Variants in VPS13C observed in about 807,000 individuals in gnomAD.
VPS13C encodes intermembrane lipid transfer protein VPS13C.
In VPS13C, 358 loss-of-function variants were observed where a neutral mutation model predicts 456.8. The observed-to-expected ratio is 0.78, with a 90% CI of 0.72 to 0.86. VPS13C has a LOEUF of 0.86. Among genes scored for constraint, VPS13C ranks in the 40% least tolerant of loss-of-function variants. VPS13C has a pLI of 0.00. For missense variants in VPS13C, 4,818 were observed against 4,385.4 expected, an observed-to-expected ratio of 1.10 and a Z score of -2.79; for synonymous variants, 1,578 against 1,486.7, an observed-to-expected ratio of 1.06 and a Z score of -1.41.
At chr15:61,900,930 G>C (rs1208061802) in intron 66 of VPS13C, among the ~76,000 whole-genome samples, 3 of 151,924 alleles carry the variant, frequency 2.0e-5, no homozygotes, top group Non-Finnish European at 4.4e-5. Flanking sequence ...CAATGGAACA[G>C]AACGGAGCCC....
intron 82 of VPS13C, chr15:61,856,687 C>CTTTTTT (rs542779595): frequency 2.8e-3 from 324 of 114,772 alleles, no homozygotes; most frequent in East Asian, 4.2e-3. Context: ...TTTTTCTTTT[C>CTTTTTT]TTTTTTTTTT....
rs2043531875 is a variant in VPS13C at position 61,918,127 on chromosome 15, A to C, written c.7760+9T>G. The C allele has an allele frequency of 1.9e-6, 3 of 1,570,144 alleles. No homozygotes were observed. Among genetic ancestry groups the C allele is most frequent in the Non-Finnish European group, 2.6e-6 (3 of 1,166,680 alleles). ...CATTTAAAGTTTAATACATTTAAGA[A>C]GTATCTACCTATATGAATCTAAAGG... is the stretch of plus-strand genomic sequence containing the variant. On this transcript the variant is annotated intron_variant, in intron 59 of 84. Transcript: ENST00000644861.
intron 61 of VPS13C, 64 bp downstream of exon 61, chr15:61,915,569 T>C: frequency 4.1e-6 from 6 of 1,471,680 alleles, no homozygotes; most frequent in Middle Eastern, 2.5e-4. Context: ...GGAAGACAAA[T>C]GACTCCCAAG....
chr15:62,014,020 A>C (rs747081681), intron 9 of VPS13C, 28 bp from the exon 10 acceptor site: 1 of 1,569,320 alleles, frequency 6.4e-7, no homozygotes, highest in African/African-American at 1.4e-5. Context: ...ATACCTGTGA[A>C]ACGTGGTATG....
chr15:61,987,954 G>A (rs1322844483), intron 18 of VPS13C, among the ~76,000 whole-genome samples: 1 of 152,000 alleles, frequency 6.6e-6, no homozygotes, highest in Non-Finnish European at 1.5e-5. Flanking sequence ...AGTGTTATCT[G>A]TAATAGCCAA....
chr15:61,964,118 GT>G (rs1437069020), intron 31 of VPS13C, among the ~76,000 whole-genome samples, 167 bp from the exon 32 acceptor site: 1 of 151,980 alleles, frequency 6.6e-6, no homozygotes, highest in Non-Finnish European at 1.5e-5. Flanking sequence ...ATTCTGTAAA[GT>G]TTGCATTTTT....
chr15:62,037,732 C>A (rs1197270671), intron 3 of VPS13C, among the ~76,000 whole-genome samples: 1 of 151,668 alleles, frequency 6.6e-6, no homozygotes, highest in East Asian at 1.9e-4. Context: ...ATGGCTACAA[C>A]TTCTATATTC....
intron 8 of VPS13C, among the ~76,000 whole-genome samples, chr15:62,020,805 A>G (rs1170016559): frequency 6.6e-6 from 1 of 151,946 alleles, no homozygotes; most frequent in African/African-American, 2.4e-5. Flanking sequence ...GACTAACAAG[A>G]CTTCTCTCTA....
At chr15:61,993,150 A>G (rs1452966428) in intron 16 of VPS13C, among the ~76,000 whole-genome samples, 2 of 152,164 alleles carry the variant, frequency 1.3e-5, no homozygotes, top group East Asian at 3.9e-4. Context: ...AGATACTGAG[A>G]CTTAATAAAC....
intron 49 of VPS13C, among the ~76,000 whole-genome samples, chr15:61,932,933 C>T (rs913032745): frequency 2.0e-5 from 3 of 151,812 alleles, no homozygotes; most frequent in African/African-American, 7.3e-5. Context: ...TTATATAACA[C>T]AATGTTTATT....
rs111937728 is a variant in VPS13C at position 61,891,595 on chromosome 15, A to T, written c.9106-1195T>A. On this transcript the variant is annotated intron_variant, in intron 66 of 84. Coordinates refer to ENST00000644861, the MANE Select transcript of VPS13C (RefSeq NM_020821.3). The stretch of plus-strand genomic sequence containing the variant: ...TTTCATCTATTTCATGTGAAGTACA[A>T]TAAAATATCCCCAGGTAATTGTGTT... 3.2e-4 allele frequency among the ~76,000 whole-genome samples: 49 copies of T among 152,348 alleles called. 2 individuals carry two copies. Among genetic ancestry groups the T allele is most frequent in the African/African-American group, 1.2e-3 (48 of 41,584 alleles).
Position 61,863,867 on chromosome 15 carries a change from C to T in VPS13C, c.10864-339G>A, listed in dbSNP as rs138837329. ...AACATATGCTAATATAAAATAACTA[C>T]ATTAACATTACAGGGGATTTGAAAT... On this transcript the variant is annotated intron_variant, in intron 81 of 84. Coordinates refer to ENST00000644861, the MANE Select transcript of VPS13C (RefSeq NM_020821.3). The T allele has an allele frequency of 3.3e-3, 590 of 176,542 alleles. 3 individuals carry two copies. The highest frequency in any genetic ancestry group is 0.013 in the African/African-American group (554 of 41,984). The allele number at this position is 176,542 out of a possible 1,614,324, so 10.9% of individuals were successfully genotyped here. A position where few individuals can be genotyped will look rare whatever the true frequency, so the allele number is the denominator to read the frequency against.
intron 66 of VPS13C, among the ~76,000 whole-genome samples, chr15:61,892,639 C>T (rs368008721): frequency 6.6e-6 from 1 of 152,174 alleles, no homozygotes; most frequent in African/African-American, 2.4e-5. Flanking sequence ...CCTCCCCAAA[C>T]AGACAAAGCA....
At chr15:61,985,413 T>C (rs997122008) in intron 18 of VPS13C, among the ~76,000 whole-genome samples, 1 of 152,108 alleles carries the variant, frequency 6.6e-6, no homozygotes, top group Admixed American at 6.6e-5. Context: ...CCCGCCACCA[T>C]GCCAAGCTAA....
intron 79 of VPS13C, among the ~76,000 whole-genome samples, chr15:61,870,880 T>G (rs547354348): frequency 8.5e-5 from 13 of 152,320 alleles, no homozygotes; most frequent in African/African-American, 3.1e-4. Flanking sequence ...TACCATCCTT[T>G]TATGTGTTTA....
At chr15:61,998,727 T>C (rs2046481024) in intron 16 of VPS13C, among the ~76,000 whole-genome samples, 1 of 152,132 alleles carries the variant, frequency 6.6e-6, no homozygotes, top group African/African-American at 2.4e-5. Flanking sequence ...GCTAAACAAA[T>C]GAACAAGTGT....
In VPS13C at chr15:61,858,124, A is replaced by G. The variant is rs774801330; in HGVS notation, c.10953-1715T>C. 2.6e-5 allele frequency among the ~76,000 whole-genome samples: 4 copies of G among 152,100 alleles called. No homozygotes were observed. Among genetic ancestry groups the G allele is most frequent in the Non-Finnish European group, 5.9e-5 (4 of 68,010 alleles). On this transcript the variant is annotated intron_variant, in intron 82 of 84. Coordinates refer to ENST00000644861, the MANE Select transcript of VPS13C (RefSeq NM_020821.3). The surrounding 1 kb of genome is among the most constrained non-coding windows in gnomAD (Gnocchi z 4.4). Reference sequence around the variant, plus strand: ...CAAATCCTCGTGCCAAACACAATTCACTATTCCAAATATCTTTAAACTCTT... The same window carrying G: ...CAAATCCTCGTGCCAAACACAATTCGCTATTCCAAATATCTTTAAACTCTT...
chr15:61,963,762 T>C (rs2045290301), intron 32 of VPS13C, 73 bp downstream of exon 32: 1 of 1,067,466 alleles, frequency 9.4e-7, no homozygotes, highest in South Asian at 1.4e-5. Context: ...GTACATTCTT[T>C]AGCATTGCAA....
chr15:61,955,709 T>TA (rs2044969534), intron 37 of VPS13C, among the ~76,000 whole-genome samples: 2 of 152,166 alleles, frequency 1.3e-5, no homozygotes, highest in African/African-American at 4.8e-5. Flanking sequence ...ACTGATCATT[T>TA]AAAAAACCAG....
Sources: gnomAD v4.1 joint callset for allele counts (sites outside exome capture counted in the v4.1 genomes callset) on GRCh38, gnomAD v4.1.1 for gene constraint, Gnocchi (gnomAD v3.1) non-coding constraint, MANE v1.5 for transcripts, NCBI Gene and HGNC (gene_info 2026-07-23, HGNC 2026-07-21) for gene names.